Variants in UBE2E2 observed in about 807,000 individuals in gnomAD.
The protein encoded by UBE2E2 is ubiquitin-conjugating enzyme E2 E2.
In UBE2E2, 6 loss-of-function variants were observed where a neutral mutation model predicts 24.7. The observed-to-expected ratio is 0.24, with a 90% CI of 0.13 to 0.48. The LOEUF (loss-of-function observed/expected upper bound fraction) is 0.48, where lower values mean the gene tolerates loss of function less well. UBE2E2 is among the 20% of genes least tolerant of loss of function. UBE2E2 has a pLI of 0.99. For synonymous variants in UBE2E2, 104 were observed against 83.6 expected (o/e 1.24, Z -1.33); for missense variants, 169 against 245.0 (o/e 0.69, Z 2.07).
At chr3:23,506,543 C>T (rs1209620002) in intron 4 of UBE2E2, among the ~76,000 whole-genome samples, 1 of 152,214 alleles carries the variant, frequency 6.6e-6, no homozygotes, top group Non-Finnish European at 1.5e-5. Context: ...CCTAGAAACT[C>T]TTTGGCGCAA....
intron 3 of UBE2E2, among the ~76,000 whole-genome samples, chr3:23,287,776 T>C (rs1698657226): frequency 6.6e-6 from 1 of 150,612 alleles, no homozygotes. Context: ...TCTCTCTCTT[T>C]TTTTTTTTTT....
At chr3:23,304,683 C>T (rs1699193579) in intron 3 of UBE2E2, among the ~76,000 whole-genome samples, 1 of 152,056 alleles carries the variant, frequency 6.6e-6, no homozygotes, top group Non-Finnish European at 1.5e-5. Flanking sequence ...GGATATTTTT[C>T]TTCAATAATA....
intron 3 of UBE2E2, among the ~76,000 whole-genome samples, chr3:23,479,542 AG>A (rs547001993): frequency 2.6e-5 from 4 of 151,570 alleles, no homozygotes; most frequent in Admixed American, 6.6e-5. Context: ...GTTGGGGGGT[AG>A]GGGGGGTATG....
chr3:23,231,906 C>T (rs913203451), intron 3 of UBE2E2, among the ~76,000 whole-genome samples: 1 of 152,132 alleles, frequency 6.6e-6, no homozygotes, highest in Non-Finnish European at 1.5e-5. Context: ...GCTTCTCTAC[C>T]CATGGAAGTG....
At chr3:23,399,992 A>G (rs973994395) in intron 3 of UBE2E2, among the ~76,000 whole-genome samples, 2 of 152,196 alleles carry the variant, frequency 1.3e-5, no homozygotes, top group African/African-American at 2.4e-5. Flanking sequence ...CTTCTCTTGA[A>G]CATTACAATA....
chr3:23,391,679 G>A (rs1408880710), intron 3 of UBE2E2, among the ~76,000 whole-genome samples: 1 of 151,994 alleles, frequency 6.6e-6, no homozygotes, highest in Non-Finnish European at 1.5e-5. Flanking sequence ...TGCATTAACC[G>A]CATATTTTTG....
At chr3:23,510,106 T>C (rs531329113) in intron 4 of UBE2E2, among the ~76,000 whole-genome samples, 3 of 152,150 alleles carry the variant, frequency 2.0e-5, no homozygotes, top group Non-Finnish European at 4.4e-5. Flanking sequence ...TAGAGATTTG[T>C]TCAAGGAGAT....
Position 23,590,402 on chromosome 3 carries a change from T to A in UBE2E2, c.*571T>A. On this transcript the variant is annotated 3_prime_UTR_variant, in exon 6 of 6. Coordinates refer to ENST00000396703, the MANE Select transcript of UBE2E2 (RefSeq NM_152653.4). ...CACTGTGCATTACTGAGACTCTGTT[T>A]ATCACTAGCCTTCTGTCCCTCCCGC... 6.5e-6 allele frequency: 1 copy of A among 152,778 alleles called. No homozygotes were observed. Among genetic ancestry groups the A allele is most frequent in the Admixed American group, 6.5e-5 (1 of 15,294 alleles). The allele number at this position is 152,778 out of a possible 1,614,324, so 9.5% of individuals were successfully genotyped here.
At chr3:23,342,431 A>G (rs1220928883) in intron 3 of UBE2E2, among the ~76,000 whole-genome samples, 1 of 152,082 alleles carries the variant, frequency 6.6e-6, no homozygotes, top group Non-Finnish European at 1.5e-5. Context: ...ACAGGAGGGG[A>G]TATGATAGGA....
chr3:23,471,147 A>G (rs753197108), intron 3 of UBE2E2, among the ~76,000 whole-genome samples: 12 of 152,132 alleles, frequency 7.9e-5, no homozygotes, highest in Non-Finnish European at 1.5e-4. Flanking sequence ...GTATTTTACT[A>G]TGTTTTCATT....
chr3:23,363,942 C>T (rs79843629), intron 3 of UBE2E2, among the ~76,000 whole-genome samples: 2,683 of 150,568 alleles, frequency 0.018, 36 homozygotes, highest in Non-Finnish European at 0.026. Flanking sequence ...TTACCAAACA[C>T]ACTCTCAGAC....
At chr3:23,238,577 AATAAAGTAC>A in intron 3 of UBE2E2, among the ~76,000 whole-genome samples, 1 of 152,312 alleles carries the variant, frequency 6.6e-6, no homozygotes, top group South Asian at 2.1e-4. Flanking sequence ...ATATAGGATT[AATAAAGTAC>A]AGGTTGAGTA....
intron 3 of UBE2E2, among the ~76,000 whole-genome samples, chr3:23,264,059 A>G (rs1026272416): frequency 1.3e-5 from 2 of 152,186 alleles, no homozygotes; most frequent in Non-Finnish European, 2.9e-5. Flanking sequence ...TAATTCTTAC[A>G]TTAATCGTAT....
In UBE2E2 at chr3:23,553,093, G is replaced by C. The variant is rs939896769; in HGVS notation, c.508+20392G>C. ...GAAGATGATTGTAGGAGAAAAATGA[G>C]AGAGAAATAGAAATTTTCTCTTTTG... is the stretch of plus-strand genomic sequence containing the variant. On this transcript the variant is annotated intron_variant, in intron 5 of 5. Transcript: ENST00000396703. Among the ~76,000 whole-genome samples the C allele has an allele frequency of 3.8e-5, 4 of 105,888 alleles. No individual in the cohort carries two copies. The East Asian group carries it at 1.3e-3, about 33-fold the overall frequency. The allele number at this position is 105,888 out of a possible 152,430, so 69.5% of individuals were successfully genotyped here.
chr3:23,476,142 C>T (rs1699129376), intron 3 of UBE2E2, among the ~76,000 whole-genome samples: 1 of 152,026 alleles, frequency 6.6e-6, no homozygotes, highest in Non-Finnish European at 1.5e-5. Context: ...ATTTTCGTTC[C>T]CTTACCTAAC....
rs539600780 is a variant in UBE2E2 at position 23,265,823 on chromosome 3, G to A, written c.227+48511G>A. Among the ~76,000 whole-genome samples, 20 of 152,216 alleles carry A rather than the reference G, an allele frequency of 1.3e-4. 1 individual carries two copies. The South Asian group carries it at 4.2e-3, about 32-fold the overall frequency. Reference sequence around the variant, plus strand: ...TCTAAGGACTTGCTTTATGAATCTGGGTGCTCCTGTGTTGGGTGCATATAT... The same window carrying A: ...TCTAAGGACTTGCTTTATGAATCTGAGTGCTCCTGTGTTGGGTGCATATAT... On this transcript the variant is annotated intron_variant, in intron 3 of 5. Coordinates refer to ENST00000396703, the MANE Select transcript of UBE2E2 (RefSeq NM_152653.4).
chr3:23,573,849 C>T (rs926908336), intron 5 of UBE2E2, among the ~76,000 whole-genome samples: 2 of 152,108 alleles, frequency 1.3e-5, no homozygotes, highest in Non-Finnish European at 2.9e-5. Flanking sequence ...GGTCAATAAG[C>T]TCTCCTTTTT....
chr3:23,419,201 TCAAG>T (rs1697734050), intron 3 of UBE2E2, among the ~76,000 whole-genome samples: 1 of 152,178 alleles, frequency 6.6e-6, no homozygotes, highest in South Asian at 2.1e-4. Flanking sequence ...CCTCCTGGCC[TCAAG>T]CAGTTATCCT....
At chr3:23,379,238 T>A (rs958149693) in intron 3 of UBE2E2, among the ~76,000 whole-genome samples, 28 of 112,662 alleles carry the variant, frequency 2.5e-4, no homozygotes, top group Admixed American at 6.3e-4. Context: ...TTATTTATTT[T>A]TTTATTTTAT....
Sources: allele counts gnomAD v4.1 joint callset (sites outside exome capture counted in the v4.1 genomes callset), GRCh38; gene constraint gnomAD v4.1.1; transcripts MANE v1.5; gene names NCBI Gene and HGNC (gene_info 2026-07-23, HGNC 2026-07-21).